The following RSPH14 variants were observed in gnomAD, a reference collection of about 807,000 sequenced individuals.
The protein encoded by RSPH14 is radial spoke head 14 homolog, also known as rhabdoid tumor deletion region gene 1.
A neutral mutation model predicts 26.7 loss-of-function variants in RSPH14; 20 were observed. The observed-to-expected ratio is 0.75, with a 90% CI of 0.53 to 1.09. RSPH14 has a LOEUF of 1.09. Ranked by LOEUF, RSPH14 falls within the 50% of genes least tolerant of loss-of-function variation. RSPH14 has a pLI of 0.00. For synonymous variants in RSPH14, 177 were observed against 189.3 expected (o/e 0.93, Z 0.53); for missense variants, 449 against 457.2 (o/e 0.98, Z 0.16).
intron 4 of RSPH14, among the ~76,000 whole-genome samples, chr22:23,069,230 A>G (rs2068281116): frequency 6.6e-6 from 1 of 152,202 alleles, no homozygotes; most frequent in Non-Finnish European, 1.5e-5. Context: ...TGCCATGGTC[A>G]GGTCCAGGGC....
intron 4 of RSPH14, chr22:23,131,572 T>C: frequency 7.7e-7 from 1 of 1,292,800 alleles, no homozygotes; most frequent in Non-Finnish European, 1.0e-6. Flanking sequence ...TCTGAATGCT[T>C]TAAATAGGTC....
intron 4 of RSPH14, among the ~76,000 whole-genome samples, chr22:23,079,331 G>A (rs1228084672): frequency 4.6e-5 from 7 of 152,240 alleles, no homozygotes; most frequent in East Asian, 1.9e-4. Flanking sequence ...GAGAGGGCGC[G>A]GAAGCGAAGT....
At chr22:23,077,465 T>TGAG (rs2068538017) in intron 4 of RSPH14, among the ~76,000 whole-genome samples, 1 of 152,184 alleles carries the variant, frequency 6.6e-6, no homozygotes, top group Non-Finnish European at 1.5e-5. Context: ...AGCCTCCTCT[T>TGAG]GGATGTACAC....
At chr22:23,110,707 G>A (rs775831390) in intron 4 of RSPH14, among the ~76,000 whole-genome samples, 2 of 152,370 alleles carry the variant, frequency 1.3e-5, no homozygotes, top group East Asian at 3.9e-4. Context: ...GGGTGAGGGT[G>A]TCCACCCTGG....
At chr22:23,173,613 T>C in the RSPH14 span, among the ~76,000 whole-genome samples, 4 of 147,226 alleles carry the variant, frequency 2.7e-5, no homozygotes, top group Non-Finnish European at 5.9e-5. Context: ...GGTAATTTTT[T>C]TATTTTTGGT....
At chr22:23,090,016 C>T (rs892653883) in intron 4 of RSPH14, among the ~76,000 whole-genome samples, 3 of 152,098 alleles carry the variant, frequency 2.0e-5, no homozygotes, top group Admixed American at 6.5e-5. Flanking sequence ...AAGTCCTAAG[C>T]GACCTCCTGG....
intron 4 of RSPH14, among the ~76,000 whole-genome samples, chr22:23,093,294 G>A (rs192513970): frequency 9.9e-5 from 15 of 152,262 alleles, no homozygotes; most frequent in African/African-American, 3.6e-4. Context: ...ACTTCTCATC[G>A]GTGGCTGCCT....
At chr22:23,152,312 G>A in the RSPH14 span, 7 of 763,464 alleles carry the variant, frequency 9.2e-6, no homozygotes, top group East Asian at 1.7e-4. Flanking sequence ...TGTGAAGGGG[G>A]AACACAGTGT....
At chr22:23,126,215 T>G (rs1021468425) in intron 4 of RSPH14, among the ~76,000 whole-genome samples, 6 of 152,234 alleles carry the variant, frequency 3.9e-5, no homozygotes, top group African/African-American at 1.4e-4. Context: ...CCTCCCTTCC[T>G]AATGTGTGCA....
At chr22:23,165,375 A>C in the RSPH14 span, among the ~76,000 whole-genome samples, 1 of 152,170 alleles carries the variant, frequency 6.6e-6, no homozygotes, top group Non-Finnish European at 1.5e-5. Flanking sequence ...TGCAAACCCC[A>C]GTCCTGTCTG....
intron 4 of RSPH14, chr22:23,096,555 T>C: frequency 2.2e-6 from 2 of 895,112 alleles, no homozygotes; most frequent in South Asian, 3.3e-5. Flanking sequence ...GCACGATAAC[T>C]GAGGCAGCTC....
intron 4 of RSPH14, among the ~76,000 whole-genome samples, chr22:23,068,572 C>A (rs1409432761): frequency 6.6e-6 from 1 of 152,194 alleles, no homozygotes; most frequent in Non-Finnish European, 1.5e-5. Flanking sequence ...GTCAGCCAGC[C>A]CCAGTGGACC....
intron 4 of RSPH14, among the ~76,000 whole-genome samples, chr22:23,128,517 A>C (rs1189290127): frequency 6.6e-6 from 1 of 152,228 alleles, no homozygotes; most frequent in Non-Finnish European, 1.5e-5. Flanking sequence ...AGGAACTTAG[A>C]GGAATGCGTG....
chr22:23,140,499 A>T, intron 1 of RSPH14, 27 bp from the exon 2 acceptor site: 1 of 1,536,904 alleles, frequency 6.5e-7, no homozygotes, highest in South Asian at 1.2e-5. Flanking sequence ...AGCTGTCATT[A>T]TTTCTATTAT....
chr22:23,121,490 G>A (rs1470244854), intron 4 of RSPH14, among the ~76,000 whole-genome samples: 1 of 152,174 alleles, frequency 6.6e-6, no homozygotes, highest in Non-Finnish European at 1.5e-5. Flanking sequence ...CTGGTTGTGG[G>A]GCTTGGAGCA....
chr22:23,117,546 C>G (rs2069884032), intron 4 of RSPH14, among the ~76,000 whole-genome samples: 1 of 152,340 alleles, frequency 6.6e-6, no homozygotes. Flanking sequence ...AGCAGGTCTT[C>G]CGATGAGACC....
At chr22:23,179,942 C>A in the RSPH14 span, 1 of 286,470 alleles carries the variant, frequency 3.5e-6, no homozygotes, top group South Asian at 9.4e-5. Flanking sequence ...AAGGTGCCCT[C>A]CGCATCGTTG....
rs59412175 is a variant in RSPH14 at position 23,134,548 on chromosome 22, CAAAAAAAAAAAAAA to C, written c.303-418_303-405del. Among the ~76,000 whole-genome samples the C allele has an allele frequency of 8.3e-3, 713 of 86,188 alleles. 5 individuals are homozygous for C. Among genetic ancestry groups the C allele is most frequent in the African/African-American group, 0.03 (658 of 22,056 alleles). 56.5% of individuals were successfully genotyped at this position (86,188 alleles called of 152,430 possible). On this transcript the variant is annotated intron_variant, in intron 3 of 6. Transcript: ENST00000216036. ...TCAAAATTGAGCCCCAACTCCCAAC[CAAAAAAAAAAAAAA>C]AAAAAAAAAAGGAGATGATTGGCTG...
At chr22:23,097,736 T>C (rs2069168844) in intron 4 of RSPH14, among the ~76,000 whole-genome samples, 1 of 152,228 alleles carries the variant, frequency 6.6e-6, no homozygotes, top group African/African-American at 2.4e-5. Context: ...GAGGTCAGGC[T>C]CCCTTGATGA....
Sources: allele counts gnomAD v4.1 joint callset (sites outside exome capture counted in the v4.1 genomes callset), GRCh38; gene constraint gnomAD v4.1.1; transcripts MANE v1.5; gene names NCBI Gene and HGNC (gene_info 2026-07-23, HGNC 2026-07-21).